CYRIA: variants seen among roughly 807,000 people sequenced by gnomAD.
CYRIA encodes CYFIP-related Rac1 interactor A.
A neutral mutation model predicts 43.9 loss-of-function variants in CYRIA; 15 were observed. That is an observed-to-expected ratio of 0.34 (90% CI 0.23 to 0.53). The LOEUF (loss-of-function observed/expected upper bound fraction) is 0.53, where lower values mean the gene tolerates loss of function less well. Ranked by LOEUF, CYRIA falls within the 20% of genes least tolerant of loss-of-function variation. The probability of loss-of-function intolerance (pLI) is 0.94; values close to 1 mark genes in which losing one functional copy is unlikely to be tolerated. For missense variants in CYRIA, 236 were observed against 394.2 expected (o/e 0.60, Z 3.40); for synonymous variants, 117 against 136.0 (o/e 0.86, Z 0.97).
intron 2 of CYRIA, among the ~76,000 whole-genome samples, chr2:16,611,529 G>A (rs957475552): frequency 2.0e-5 from 3 of 152,168 alleles, no homozygotes; most frequent in African/African-American, 4.8e-5. Flanking sequence ...ACTCTAGTGA[G>A]GACTGTGATC....
At chr2:16,585,688 G>A (rs1466172582) in intron 3 of CYRIA, among the ~76,000 whole-genome samples, 1 of 152,090 alleles carries the variant, frequency 6.6e-6, no homozygotes, top group Non-Finnish European at 1.5e-5. Context: ...TAAATGCTCT[G>A]TTTAGCTACC....
At chr2:16,578,813 C>CAGA (rs199869319) in intron 3 of CYRIA, among the ~76,000 whole-genome samples, 2,626 of 151,454 alleles carry the variant, frequency 0.017, 73 homozygotes, top group African/African-American at 0.059. Context: ...ATTGGTGTCC[C>CAGA]AGAAGAAGAA....
At chr2:16,626,429 C>A (rs1049792320) in intron 1 of CYRIA, among the ~76,000 whole-genome samples, 1 of 152,092 alleles carries the variant, frequency 6.6e-6, no homozygotes, top group African/African-American at 2.4e-5. Flanking sequence ...TTAACACGGA[C>A]CCCCACTCAG....
chr2:16,643,973 C>CATCT (rs1669748359), intron 1 of CYRIA, among the ~76,000 whole-genome samples: 1 of 152,210 alleles, frequency 6.6e-6, no homozygotes, highest in South Asian at 2.1e-4. Context: ...AGATCAAGCT[C>CATCT]ATCTACCTGC....
chr2:16,563,871 T>C (rs1172907534), intron 5 of CYRIA, 118 bp downstream of exon 5: 10 of 660,274 alleles, frequency 1.5e-5, no homozygotes, highest in African/African-American at 1.5e-4. Context: ...GGCCTCTCAT[T>C]TGATACAGTG....
intron 3 of CYRIA, among the ~76,000 whole-genome samples, chr2:16,578,812 C>T (rs1667445479): frequency 6.6e-6 from 1 of 150,906 alleles, no homozygotes; most frequent in African/African-American, 2.5e-5. Context: ...AATTGGTGTC[C>T]CAGAAGAAGA....
intron 3 of CYRIA, among the ~76,000 whole-genome samples, chr2:16,575,699 CA>C (rs1231527951): frequency 4.6e-5 from 7 of 151,520 alleles, no homozygotes; most frequent in African/African-American, 1.7e-4. Flanking sequence ...ACTAAAAATA[CA>C]AAAAAATTAG....
intron 2 of CYRIA, among the ~76,000 whole-genome samples, chr2:16,603,631 G>A (rs1461066249): frequency 1.3e-5 from 2 of 152,130 alleles, no homozygotes; most frequent in African/African-American, 4.8e-5. Flanking sequence ...CACCTAACAT[G>A]TCTTGTGGGC....
At chr2:16,565,328 C>T (rs1666888497) in intron 4 of CYRIA, among the ~76,000 whole-genome samples, 1 of 152,012 alleles carries the variant, frequency 6.6e-6, no homozygotes, top group Non-Finnish European at 1.5e-5. Flanking sequence ...GGATTAAAGG[C>T]ACCTGCCACC....
chr2:16,580,050 C>A (rs189578156), intron 3 of CYRIA, among the ~76,000 whole-genome samples: 279 of 152,100 alleles, frequency 1.8e-3, no homozygotes, highest in African/African-American at 6.6e-3. Flanking sequence ...TGGCCTCGAG[C>A]AATCCTCCTG....
chr2:16,578,345 A>C (rs1667425245), intron 3 of CYRIA, among the ~76,000 whole-genome samples: 1 of 152,216 alleles, frequency 6.6e-6, no homozygotes, highest in Non-Finnish European at 1.5e-5. Flanking sequence ...TGTTCAAAAA[A>C]AGCAAAGGAA....
intron 2 of CYRIA, among the ~76,000 whole-genome samples, chr2:16,611,940 G>GA (rs1668618333): frequency 6.6e-6 from 1 of 152,192 alleles, no homozygotes; most frequent in Non-Finnish European, 1.5e-5. Flanking sequence ...AGCCTGCTCT[G>GA]AAAGTAGTTT....
In CYRIA at chr2:16,552,811, T is replaced by C; in HGVS notation, c.*125A>G. The C allele has an allele frequency of 3.0e-6, 2 of 669,158 alleles. No individual in the cohort carries two copies. The highest frequency in any genetic ancestry group is 3.5e-5 in the South Asian group (2 of 56,614). 41.5% of individuals were successfully genotyped at this position (669,158 alleles called of 1,614,324 possible). A position where few individuals can be genotyped will look rare whatever the true frequency, so the allele number is the denominator to read the frequency against. ...GTCAGGATACAAATTAAGGTCCATA[T>C]ATTTCAGTGACAAGAAGGAAACGGT... On this transcript the variant is annotated 3_prime_UTR_variant, in exon 12 of 12. Coordinates refer to ENST00000381323, the MANE Select transcript of CYRIA (RefSeq NM_030797.4).
At position 16,551,844 on chromosome 2, in the gene CYRIA, G is replaced by A. The variant is rs558282563; in HGVS notation, c.*1092C>T. On this transcript the variant is annotated 3_prime_UTR_variant, in exon 12 of 12. Coordinates refer to ENST00000381323, the MANE Select transcript of CYRIA (RefSeq NM_030797.4). ...CTCAAGATCACATTATGAATCATTA[G>A]TAAGGCCAGGAGTAAATTCAGGTGC... is the stretch of plus-strand genomic sequence containing the variant. The A allele has an allele frequency of 8.5e-5, 13 of 152,204 alleles. No homozygotes were observed. The South Asian group carries it at 1.9e-3, about 22-fold the overall frequency. 9.4% of individuals were successfully genotyped at this position (152,204 alleles called of 1,614,324 possible). A position where few individuals can be genotyped will look rare whatever the true frequency, so the allele number is the denominator to read the frequency against.
chr2:16,622,579 C>T (rs1669031901), intron 2 of CYRIA, among the ~76,000 whole-genome samples: 1 of 152,108 alleles, frequency 6.6e-6, no homozygotes. Flanking sequence ...CATGCTCATG[C>T]GTGATCTCAC....
chr2:16,589,736 C>G (rs1667855100), intron 2 of CYRIA, among the ~76,000 whole-genome samples: 1 of 152,036 alleles, frequency 6.6e-6, no homozygotes, highest in African/African-American at 2.4e-5. Context: ...CCATCATCAT[C>G]ATCATCATGA....
chr2:16,658,629 C>G (rs571908507), intron 1 of CYRIA, among the ~76,000 whole-genome samples: 2 of 152,306 alleles, frequency 1.3e-5, no homozygotes, highest in African/African-American at 4.8e-5. Flanking sequence ...CTTGTCTCAG[C>G]CTTGGAAAAG....
intron 9 of CYRIA, among the ~76,000 whole-genome samples, chr2:16,559,794 A>T (rs931512043): frequency 6.6e-6 from 1 of 152,160 alleles, no homozygotes; most frequent in Non-Finnish European, 1.5e-5. Context: ...AAAATGAAGT[A>T]AATTAAAGGG....
At chr2:16,606,998 A>G (rs999708218) in intron 2 of CYRIA, among the ~76,000 whole-genome samples, 9 of 152,210 alleles carry the variant, frequency 5.9e-5, no homozygotes, top group African/African-American at 1.7e-4. Flanking sequence ...ACATACAAAA[A>G]ACCTGAAGAA....
Sources: gnomAD v4.1 joint callset for allele counts (sites outside exome capture counted in the v4.1 genomes callset) on GRCh38, gnomAD v4.1.1 for gene constraint, MANE v1.5 for transcripts, NCBI Gene and HGNC (gene_info 2026-07-23, HGNC 2026-07-21) for gene names.